ROBO1: variants seen among roughly 807,000 people sequenced by gnomAD.
ROBO1 encodes the protein roundabout homolog 1.
A neutral mutation model predicts 195.9 loss-of-function variants in ROBO1; 149 were observed. The ratio of observed to expected loss-of-function variants is 0.76; its 90% CI spans 0.67 to 0.87. ROBO1 has a LOEUF of 0.87. Ranked by LOEUF, ROBO1 falls within the 40% of genes least tolerant of loss-of-function variation. ROBO1 has a pLI of 0.00. For missense variants in ROBO1, 1,933 were observed against 2,068.3 expected (o/e 0.93, Z 1.27); for synonymous variants, 816 against 733.2 (o/e 1.11, Z -1.82).
At chr3:79,456,807 T>C (rs1328572965) in intron 2 of ROBO1, among the ~76,000 whole-genome samples, 1 of 152,166 alleles carries the variant, frequency 6.6e-6, no homozygotes, top group Non-Finnish European at 1.5e-5. Context: ...AATAATATTC[T>C]TTCCTCCAAA....
chr3:79,669,184 G>A (rs1255018928), intron 1 of ROBO1, among the ~76,000 whole-genome samples: 1 of 151,766 alleles, frequency 6.6e-6, no homozygotes, highest in Non-Finnish European at 1.5e-5. Context: ...TAGCGAATAA[G>A]TCTCATGAGA....
intron 2 of ROBO1, among the ~76,000 whole-genome samples, chr3:79,213,270 C>T (rs974803510): frequency 6.6e-6 from 1 of 151,876 alleles, no homozygotes; most frequent in Non-Finnish European, 1.5e-5. Context: ...TCTATGACAG[C>T]TAAAGCTCAC....
intron 29 of ROBO1, among the ~76,000 whole-genome samples, chr3:78,604,059 T>G (rs1447443923): frequency 1.3e-5 from 2 of 150,998 alleles, no homozygotes; most frequent in East Asian, 3.9e-4. Context: ...TTTTAAAATA[T>G]TTATTTATTT....
intron 4 of ROBO1, among the ~76,000 whole-genome samples, chr3:78,930,409 G>A (rs2039448396): frequency 6.6e-6 from 1 of 152,162 alleles, no homozygotes; most frequent in Admixed American, 6.5e-5. Context: ...GCCACATCAT[G>A]GTTTTGGGAA....
At chr3:79,466,436 T>C (rs1449265448) in intron 2 of ROBO1, among the ~76,000 whole-genome samples, 1 of 152,176 alleles carries the variant, frequency 6.6e-6, no homozygotes, top group Non-Finnish European at 1.5e-5. Flanking sequence ...TTAATTCGAA[T>C]GACAAAGAGA....
At chr3:79,730,483 A>G (rs908809835) in intron 1 of ROBO1, among the ~76,000 whole-genome samples, 14 of 152,196 alleles carry the variant, frequency 9.2e-5, no homozygotes, top group African/African-American at 3.4e-4. Context: ...CATTTCATTC[A>G]TTTTGTAATA....
At position 78,617,955 on chromosome 3, in the gene ROBO1, T is replaced by C. The variant is rs1704226333; in HGVS notation, c.3962A>G (p.Asp1321Gly). Residue 1321 changes from aspartate to glycine, a missense_variant, in exon 27 of 31, where the codon GAT becomes GGT. This residue lies in a region of ROBO1 where 1,737 missense variants were observed against 1,882.5 expected (regional missense o/e 0.92). Coordinates refer to ENST00000464233, the MANE Select transcript of ROBO1 (RefSeq NM_002941.4). ...YGYISGPLVS[D>G]MDTDAPEEEE... ...CTCTTCTGGCGCATCCGTATCCATATCTGAGACCAGGGGTCCTGAAATGTA... is the reference window on the plus strand; with the variant it reads ...CTCTTCTGGCGCATCCGTATCCATACCTGAGACCAGGGGTCCTGAAATGTA... 1 of 1,613,878 alleles carries C rather than the reference T, an allele frequency of 6.2e-7. No homozygotes were observed. The highest frequency in any genetic ancestry group is 8.5e-7 in the Non-Finnish European group (1 of 1,179,884).
chr3:79,155,600 T>C (rs553073273), intron 2 of ROBO1, among the ~76,000 whole-genome samples: 37 of 151,880 alleles, frequency 2.4e-4, no homozygotes, highest in East Asian at 3.9e-4. Context: ...GTACAGTCCA[T>C]AGTACATGTG....
chr3:78,639,715 A>G, intron 22 of ROBO1, 29 bp downstream of exon 22: 2 of 1,593,230 alleles, frequency 1.3e-6, no homozygotes, highest in Non-Finnish European at 1.7e-6. Context: ...AAAAGCTTAT[A>G]CATATCAGGC....
chr3:78,933,321 C>T (rs2039632754), intron 4 of ROBO1, among the ~76,000 whole-genome samples: 2 of 152,088 alleles, frequency 1.3e-5, no homozygotes, highest in African/African-American at 4.8e-5. Context: ...TTCATATTAA[C>T]TACTCTTTGG....
At chr3:79,620,042 CA>C (rs1944955028) in intron 1 of ROBO1, among the ~76,000 whole-genome samples, 1 of 152,196 alleles carries the variant, frequency 6.6e-6, no homozygotes, top group South Asian at 2.1e-4. Context: ...ACCTAAGATG[CA>C]ATGGTTAGGC....
At chr3:79,336,631 A>G (rs547821567) in intron 2 of ROBO1, among the ~76,000 whole-genome samples, 22 of 152,316 alleles carry the variant, frequency 1.4e-4, no homozygotes, top group Non-Finnish European at 2.6e-4. Context: ...AGGGCAGTGA[A>G]GAAGGGAAAT....
intron 2 of ROBO1, among the ~76,000 whole-genome samples, chr3:79,387,292 T>C (rs1442837198): frequency 6.6e-6 from 1 of 152,072 alleles, no homozygotes; most frequent in East Asian, 1.9e-4. Context: ...TAGCAGTAAC[T>C]ATTATTAGTA....
chr3:79,738,542 G>T (rs988397109), intron 1 of ROBO1, among the ~76,000 whole-genome samples: 46 of 152,184 alleles, frequency 3.0e-4, no homozygotes, highest in African/African-American at 9.9e-4. Flanking sequence ...ATAGAAAAAA[G>T]TTATTCGTGT....
chr3:78,751,585 G>A (rs2082798046), intron 4 of ROBO1, among the ~76,000 whole-genome samples: 3 of 152,054 alleles, frequency 2.0e-5, no homozygotes, highest in Non-Finnish European at 4.4e-5. Flanking sequence ...AAATACACAA[G>A]TATCATGATA....
At chr3:79,495,386 T>G (rs951800662) in intron 2 of ROBO1, among the ~76,000 whole-genome samples, 5 of 152,086 alleles carry the variant, frequency 3.3e-5, no homozygotes, top group Admixed American at 6.6e-5. Flanking sequence ...AATATGTAAT[T>G]CCTTCTTGAA....
intron 2 of ROBO1, among the ~76,000 whole-genome samples, chr3:79,395,321 CAAAAAAAAAAA>C (rs71631647): frequency 2.0e-5 from 1 of 50,166 alleles, no homozygotes; most frequent in Non-Finnish European, 4.5e-5. Context: ...GACTCCGTCT[CAAAAAAAAAAA>C]AAAAAAAAAA....
At chr3:79,266,313 C>A (rs2029940968) in intron 2 of ROBO1, among the ~76,000 whole-genome samples, 1 of 151,386 alleles carries the variant, frequency 6.6e-6, no homozygotes, top group Non-Finnish European at 1.5e-5. Flanking sequence ...TTTATTTATA[C>A]AAAGACTAAA....
intron 2 of ROBO1, among the ~76,000 whole-genome samples, chr3:79,240,454 G>A (rs1037893278): frequency 6.6e-6 from 1 of 152,086 alleles, no homozygotes; most frequent in Non-Finnish European, 1.5e-5. Flanking sequence ...ATTTAAGTCT[G>A]CTTGATCATC....
Sources: allele counts gnomAD v4.1 joint callset (sites outside exome capture counted in the v4.1 genomes callset), GRCh38; gene constraint gnomAD v4.1.1; regional missense constraint gnomAD v4.1.1; transcripts MANE v1.5; gene names NCBI Gene and HGNC (gene_info 2026-07-23, HGNC 2026-07-21).